The following YEATS2 variants were observed in gnomAD, a reference collection of about 807,000 sequenced individuals.
YEATS2 encodes the protein YEATS domain containing 2.
Under a neutral mutation model 163.2 loss-of-function variants are expected in YEATS2, and 77 were observed. That is an observed-to-expected ratio of 0.47 (90% CI 0.39 to 0.57). The LOEUF is 0.57. Among genes scored for constraint, YEATS2 ranks in the 20% least tolerant of loss-of-function variants. YEATS2 has a pLI of 0.00. For missense variants in YEATS2, 1,549 were observed against 1,729.8 expected, an observed-to-expected ratio of 0.90 and a Z score of 1.85; for synonymous variants, 631 against 645.1, an observed-to-expected ratio of 0.98 and a Z score of 0.33.
In YEATS2 at chr3:183,795,455, A is replaced by ATT. The variant is rs573338439; in HGVS notation, c.3098-2441_3098-2440dup. On this transcript the variant is annotated intron_variant, in intron 21 of 30. Transcript: ENST00000305135. ...AGGGGCATGCCACCACACGGGACTA[A>ATT]TTTTTTTTTTTTTTTTTTTTTTTTT... 6.2e-3 allele frequency among the ~76,000 whole-genome samples: 494 copies of ATT among 79,882 alleles called. 24 individuals carry two copies. Among genetic ancestry groups the ATT allele is most frequent in the African/African-American group, 0.02 (451 of 23,032 alleles). The allele number at this position is 79,882 out of a possible 152,430, so 52.4% of individuals were successfully genotyped here. A position where few individuals can be genotyped will look rare whatever the true frequency, so the allele number is the denominator to read the frequency against.
At chr3:183,764,676 G>A (rs957931997) in intron 15 of YEATS2, among the ~76,000 whole-genome samples, 9 of 151,798 alleles carry the variant, frequency 5.9e-5, no homozygotes, top group African/African-American at 2.2e-4. Flanking sequence ...GCGTGGTGGC[G>A]GGCGCCTGTA....
intron 5 of YEATS2, 89 bp from the exon 6 acceptor site, chr3:183,724,330 T>C (rs897603654): frequency 3.1e-6 from 3 of 956,612 alleles, no homozygotes; most frequent in Non-Finnish European, 3.1e-6. Context: ...AACTTAGTTA[T>C]TCCATTTATA....
chr3:183,729,791 G>A (rs556680668), intron 7 of YEATS2, among the ~76,000 whole-genome samples: 1 of 151,758 alleles, frequency 6.6e-6, no homozygotes, highest in Admixed American at 6.6e-5. Context: ...AGGTTCAAGC[G>A]ATTCTTCTGC....
chr3:183,806,448 A>T (rs529521633), intron 27 of YEATS2: 2 of 457,014 alleles, frequency 4.4e-6, no homozygotes, highest in African/African-American at 4.0e-5. Context: ...CATAATATAC[A>T]TTGAAATGTT....
intron 9 of YEATS2, 106 bp downstream of exon 9, chr3:183,747,822 C>T: frequency 1.9e-6 from 2 of 1,026,870 alleles, no homozygotes; most frequent in East Asian, 2.9e-5. Context: ...CTCTGTCACC[C>T]AGGCTGGAGT....
intron 1 of YEATS2, among the ~76,000 whole-genome samples, chr3:183,714,039 G>A (rs755141317): frequency 5.3e-5 from 8 of 151,984 alleles, no homozygotes; most frequent in African/African-American, 1.2e-4. Context: ...TCCTGACCTC[G>A]TGATCCATCC....
At chr3:183,715,481 C>T (rs187366269) in intron 2 of YEATS2, among the ~76,000 whole-genome samples, 35 of 152,080 alleles carry the variant, frequency 2.3e-4, no homozygotes, top group Admixed American at 9.2e-4. Flanking sequence ...ACAGTGAAAG[C>T]GAGACAAACT....
At chr3:183,761,421 C>A in intron 13 of YEATS2, 86 bp from the exon 14 acceptor site, 1 of 1,234,584 alleles carries the variant, frequency 8.1e-7, no homozygotes, top group South Asian at 1.2e-5. Context: ...TAGAGAATGT[C>A]ACAGGTTTGT....
At chr3:183,773,935 G>C (rs1722725090) in intron 17 of YEATS2, 141 bp downstream of exon 17, 1 of 973,968 alleles carries the variant, frequency 1.0e-6, no homozygotes. Flanking sequence ...CATTTGCTCA[G>C]ATGGATTTAA....
rs75298169 is a variant in YEATS2 at position 183,751,121 on chromosome 3, A to G, written c.970-952A>G. ...TCTTTGATCCTGAGTTAATTTTGGT[A>G]TATAGTGTAAGGTAAGGGTCCGATT... On this transcript the variant is annotated intron_variant, in intron 9 of 30. Transcript: ENST00000305135. Among the ~76,000 whole-genome samples, 1,735 of 152,264 alleles carry G rather than the reference A, an allele frequency of 0.011. 64 individuals are homozygous for G. The East Asian group carries it at 0.14, about 13-fold the overall frequency.
chr3:183,781,204 G>A (rs2108435913), intron 19 of YEATS2, among the ~76,000 whole-genome samples: 1 of 152,210 alleles, frequency 6.6e-6, no homozygotes, highest in South Asian at 2.1e-4. Flanking sequence ...TTAGCAGGCT[G>A]GAGATCAGGA....
At chr3:183,782,654 C>T (rs1011779309) in intron 19 of YEATS2, among the ~76,000 whole-genome samples, 1 of 152,164 alleles carries the variant, frequency 6.6e-6, no homozygotes, top group Non-Finnish European at 1.5e-5. Context: ...GAACTCCTTA[C>T]CTCAGGTGAT....
Position 183,697,809 on chromosome 3 carries a change from T to G in YEATS2, c.-204T>G, listed in dbSNP as rs1370329329. 1 of 149,476 alleles carries G rather than the reference T, an allele frequency of 6.7e-6. No individual in the cohort carries two copies. The highest frequency in any genetic ancestry group is 1.5e-5 in the Non-Finnish European group (1 of 67,164). The allele number at this position is 149,476 out of a possible 1,614,324, so 9.3% of individuals were successfully genotyped here. A position where few individuals can be genotyped will look rare whatever the true frequency, so the allele number is the denominator to read the frequency against. On this transcript the variant is annotated 5_prime_UTR_variant, in exon 1 of 31. Transcript: ENST00000305135. ...CCGCGCGCGCCCCGACGCGCCCAGC[T>G]GCTGACGTGCGGGGCGGAACGCGCC...
At chr3:183,806,526 A>T (rs780327946) in intron 27 of YEATS2, 6 of 435,372 alleles carry the variant, frequency 1.4e-5, no homozygotes, top group South Asian at 5.3e-5. Context: ...CTGCATTTCT[A>T]AATTTTCCAG....
At chr3:183,807,135 A>C in intron 28 of YEATS2, 43 bp downstream of exon 28, 603 of 1,547,488 alleles carry the variant, frequency 3.9e-4, no homozygotes, top group Middle Eastern at 7.0e-4. Flanking sequence ...AGACCAGCTC[A>C]GAGCTAGATG....
intron 8 of YEATS2, among the ~76,000 whole-genome samples, chr3:183,740,817 T>G (rs530371681): frequency 1.7e-4 from 26 of 152,318 alleles, no homozygotes; most frequent in Non-Finnish European, 3.1e-4. Flanking sequence ...TCACTGTAGG[T>G]GAAACAGGCT....
chr3:183,712,245 C>T (rs1715351280), intron 1 of YEATS2, among the ~76,000 whole-genome samples: 1 of 85,182 alleles, frequency 1.2e-5, no homozygotes, highest in African/African-American at 1.1e-4. Context: ...GAGTCTCACC[C>T]TGTCTCCCAG....
Position 183,754,198 on chromosome 3 carries a change from C to T in YEATS2, c.1223C>T (p.Pro408Leu). The change falls in exon 11 of 31, where the codon CCC (proline) becomes CTC (leucine). Residue 408 changes from proline to leucine, a missense_variant. Pro to Leu is a moderately conservative substitution (Grantham distance 98). Transcript: ENST00000305135. ...YALPSSLERT[P>L]TKMTTSQKVT... Reference sequence around the variant, plus strand: ...TTGCCATCTTCATTGGAAAGAACACCCACCAAAATGACTACATCCCAGAAA... The same window carrying T: ...TTGCCATCTTCATTGGAAAGAACACTCACCAAAATGACTACATCCCAGAAA... The T allele has an allele frequency of 6.2e-7, 1 of 1,613,374 alleles. No homozygotes were observed. Among genetic ancestry groups the T allele is most frequent in the Non-Finnish European group, 8.5e-7 (1 of 1,179,498 alleles).
chr3:183,754,426 C>G, intron 11 of YEATS2, 61 bp downstream of exon 11: 1 of 1,532,684 alleles, frequency 6.5e-7, no homozygotes, highest in Admixed American at 1.9e-5. Flanking sequence ...ATTGTTGGAA[C>G]AACAAAACAA....
Sources: allele counts gnomAD v4.1 joint callset (sites outside exome capture counted in the v4.1 genomes callset), GRCh38; gene constraint gnomAD v4.1.1; transcripts MANE v1.5; gene names NCBI Gene and HGNC (gene_info 2026-07-23, HGNC 2026-07-21).